The following PIK3CD variants were observed in gnomAD, a reference collection of about 807,000 sequenced individuals.
PIK3CD encodes the protein phosphatidylinositol-4,5-bisphosphate 3-kinase catalytic subunit delta.
In PIK3CD, 20 loss-of-function variants were observed where a neutral mutation model predicts 122.9. The observed-to-expected ratio is 0.16, with a 90% CI of 0.11 to 0.24. PIK3CD has a LOEUF of 0.24. Among genes scored for constraint, PIK3CD ranks in the 10% least tolerant of loss-of-function variants. PIK3CD has a pLI of 1.00. For synonymous variants in PIK3CD, 596 were observed against 593.4 expected (o/e 1.00, Z -0.06); for missense variants, 787 against 1,406.3 (o/e 0.56, Z 7.04).
intron 1 of PIK3CD, among the ~76,000 whole-genome samples, chr1:9,686,093 G>T (rs1464902124): frequency 6.6e-6 from 1 of 152,206 alleles, no homozygotes; most frequent in Non-Finnish European, 1.5e-5. Context: ...AGGGAGAAGT[G>T]ACTGATGCAG....
chr1:9,702,152 G>A (rs1311018957), intron 2 of PIK3CD, among the ~76,000 whole-genome samples: 2 of 151,758 alleles, frequency 1.3e-5, no homozygotes, highest in Admixed American at 6.6e-5. Context: ...GAACCACCAC[G>A]CCTGGCTAAT....
At position 9,724,763 on chromosome 1, in the gene PIK3CD, G is replaced by T; in HGVS notation, c.2865-41G>T. 1 of 1,611,650 alleles carries T rather than the reference G, an allele frequency of 6.2e-7. No homozygotes were observed. Among genetic ancestry groups the T allele is most frequent in the Non-Finnish European group, 8.5e-7 (1 of 1,179,890 alleles). ...AGAGCGGCCCTCTGGCCTGTGGCTGGGAGTTCCCAGAGCCTCACTTCCTCT... is the reference window on the plus strand; with the variant it reads ...AGAGCGGCCCTCTGGCCTGTGGCTGTGAGTTCCCAGAGCCTCACTTCCTCT... On this transcript the variant is annotated intron_variant, in intron 22 of 23. Transcript: ENST00000377346. This position sits in a 1 kb window ranked among gnomAD's most constrained non-coding sequence, Gnocchi z 7.3.
chr1:9,638,649 C>G, the PIK3CD span, among the ~76,000 whole-genome samples: 16 of 143,860 alleles, frequency 1.1e-4, no homozygotes, highest in Admixed American at 8.6e-4. Flanking sequence ...GGAGAATGGC[C>G]AGAACCCGGG....
At chr1:9,662,949 G>A (rs6541002) in intron 1 of PIK3CD, among the ~76,000 whole-genome samples, 31,885 of 151,968 alleles carry the variant, frequency 0.21, 4,768 homozygotes, top group East Asian at 0.55. Flanking sequence ...TTGGCCTCCC[G>A]AAGTGCTGGG....
At position 9,724,537 on chromosome 1, in the gene PIK3CD, C is replaced by A; in HGVS notation, c.2864+116C>A. The A allele has an allele frequency of 8.4e-7, 1 of 1,197,494 alleles. No individual in the cohort carries two copies. The highest frequency in any genetic ancestry group is 1.2e-6 in the Non-Finnish European group (1 of 821,676). 74.2% of individuals were successfully genotyped at this position (1,197,494 alleles called of 1,614,324 possible). A position where few individuals can be genotyped will look rare whatever the true frequency, so the allele number is the denominator to read the frequency against. The stretch of plus-strand genomic sequence containing the variant: ...CAGGTCTCAACCCCACACCTGGCCC[C>A]TCACCCCAACTGTTGATGGGTTTGG... On this transcript the variant is annotated intron_variant, in intron 22 of 23. Coordinates refer to ENST00000377346, the MANE Select transcript of PIK3CD (RefSeq NM_005026.5). The surrounding 1 kb of genome is among the most constrained non-coding windows in gnomAD (Gnocchi z 7.3).
chr1:9,634,997 A>T, the PIK3CD span, among the ~76,000 whole-genome samples: 1 of 152,272 alleles, frequency 6.6e-6, no homozygotes, highest in Non-Finnish European at 1.5e-5. Context: ...CCTTATAGGA[A>T]GAGGGAAATT....
chr1:9,686,848 C>T (rs1485615797), intron 1 of PIK3CD, among the ~76,000 whole-genome samples: 2 of 152,178 alleles, frequency 1.3e-5, no homozygotes, highest in African/African-American at 2.4e-5. Flanking sequence ...GTCTGTTATC[C>T]ATGTGTGAGA....
intron 3 of PIK3CD, among the ~76,000 whole-genome samples, chr1:9,712,048 C>A (rs1232347960): frequency 6.6e-6 from 1 of 152,022 alleles, no homozygotes; most frequent in African/African-American, 2.4e-5. Context: ...AGGCGCCCAC[C>A]ACCACGCCCG....
At chr1:9,661,016 C>A (rs1644993599) in intron 1 of PIK3CD, 1 of 151,374 alleles carries the variant, frequency 6.6e-6, no homozygotes, top group Non-Finnish European at 1.5e-5. Context: ...CTCACTGCAA[C>A]CTCCGCCTCC....
chr1:9,705,331 AAAAAAAAAAAGG>A (rs992642477), intron 2 of PIK3CD, among the ~76,000 whole-genome samples: 2 of 150,806 alleles, frequency 1.3e-5, no homozygotes, highest in African/African-American at 2.4e-5. Context: ...ACCAAAAAAA[AAAAAAAAAAAGG>A]AAAAAAAAAA....
Position 9,719,020 on chromosome 1 carries a change from A to T in PIK3CD, c.1242+105A>T. ...CTCCCGGCAAGCACGCAGCCTGGGG[A>T]TGGGGGTCCTGGGATTGCTTGTGGA... On this transcript the variant is annotated intron_variant, in intron 9 of 23. Transcript: ENST00000377346. The surrounding 1 kb of genome is among the most constrained non-coding windows in gnomAD (Gnocchi z 5.5). 1 of 1,093,454 alleles carries T rather than the reference A, an allele frequency of 9.1e-7. No individual in the cohort carries two copies. Among genetic ancestry groups the T allele is most frequent in the Non-Finnish European group, 1.3e-6 (1 of 741,442 alleles). 67.7% of individuals were successfully genotyped at this position (1,093,454 alleles called of 1,614,324 possible).
intron 1 of PIK3CD, among the ~76,000 whole-genome samples, chr1:9,675,607 T>A (rs922943543): frequency 2.0e-5 from 3 of 151,716 alleles, no homozygotes; most frequent in Non-Finnish European, 4.4e-5. Context: ...GGAGTCCAGA[T>A]CCCAGGGAGG....
intron 2 of PIK3CD, among the ~76,000 whole-genome samples, chr1:9,695,616 G>T (rs1371363910): frequency 6.6e-6 from 1 of 152,130 alleles, no homozygotes; most frequent in Non-Finnish European, 1.5e-5. Flanking sequence ...GGCCGAGGCG[G>T]GCAGATCACT....
chr1:9,629,302 TCTC>T, the PIK3CD span, among the ~76,000 whole-genome samples: 1 of 151,784 alleles, frequency 6.6e-6, no homozygotes, highest in Non-Finnish European at 1.5e-5. Context: ...CTTCTCCTCT[TCTC>T]CGAGAAAGAG....
chr1:9,688,470 GA>G (rs1238862481), intron 1 of PIK3CD, among the ~76,000 whole-genome samples: 6 of 152,208 alleles, frequency 3.9e-5, no homozygotes, highest in African/African-American at 1.4e-4. Context: ...ACGTGAGGGT[GA>G]GAGTCCCTGC....
Position 9,718,045 on chromosome 1 carries a change from G to T in PIK3CD, c.1020+419G>T. ...GGCTGCACCTGCCTCAACCTCTAGG[G>T]GCTGAGCCCACCTCCCTGTTGTCTC... On this transcript the variant is annotated intron_variant, in intron 8 of 23. Coordinates refer to ENST00000377346, the MANE Select transcript of PIK3CD (RefSeq NM_005026.5). This position sits in a 1 kb window ranked among gnomAD's most constrained non-coding sequence, Gnocchi z 7.2. 1 of 478,310 alleles carries T rather than the reference G, an allele frequency of 2.1e-6. No individual in the cohort carries two copies. Among genetic ancestry groups the T allele is most frequent in the South Asian group, 1.6e-5 (1 of 64,234 alleles). 29.6% of individuals were successfully genotyped at this position (478,310 alleles called of 1,614,324 possible).
intron 1 of PIK3CD, among the ~76,000 whole-genome samples, chr1:9,660,199 A>C (rs945967892): frequency 5.9e-5 from 9 of 152,370 alleles, no homozygotes; most frequent in African/African-American, 1.9e-4. Flanking sequence ...GGCGTGAGCC[A>C]CCGCGCCTGG....
intron 1 of PIK3CD, among the ~76,000 whole-genome samples, chr1:9,655,887 G>A (rs1375023903): frequency 6.6e-6 from 1 of 152,030 alleles, no homozygotes; most frequent in African/African-American, 2.4e-5. Flanking sequence ...AGCAGTGACG[G>A]TGTTTTGCCA....
intron 3 of PIK3CD, among the ~76,000 whole-genome samples, chr1:9,711,185 C>T (rs1647039377): frequency 6.6e-6 from 1 of 152,022 alleles, no homozygotes; most frequent in African/African-American, 2.4e-5. Context: ...CCTCTGCCTC[C>T]CAGGCTCAAG....
Sources: allele counts gnomAD v4.1 joint callset (sites outside exome capture counted in the v4.1 genomes callset), GRCh38; gene constraint gnomAD v4.1.1; non-coding constraint Gnocchi (gnomAD v3.1); transcripts MANE v1.5; gene names NCBI Gene and HGNC (gene_info 2026-07-23, HGNC 2026-07-21).